Variants in CDC16 observed in about 807,000 individuals in gnomAD.
The protein encoded by CDC16 is cell division cycle 16.
In CDC16, 34 loss-of-function variants were observed where a neutral mutation model predicts 87.0. That is an observed-to-expected ratio of 0.39 (90% CI 0.30 to 0.52). The LOEUF (loss-of-function observed/expected upper bound fraction) is 0.52. Among genes scored for constraint, CDC16 ranks in the 20% least tolerant of loss-of-function variants. The pLI, the probability that CDC16 is intolerant of heterozygous loss-of-function variation, is 0.74. For missense variants in CDC16, 653 were observed against 751.9 expected (o/e 0.87, Z 1.54); for synonymous variants, 263 against 260.6 (o/e 1.01, Z -0.09).
chr13:114,243,549 A>G (rs942651197), intron 7 of CDC16, among the ~76,000 whole-genome samples: 6 of 151,634 alleles, frequency 4.0e-5, no homozygotes, highest in Non-Finnish European at 7.4e-5. Flanking sequence ...GACTCCTTAT[A>G]CTAAAAGATT....
chr13:114,234,990 T>G lies in CDC16; in HGVS notation c.-95T>G, dbSNP rs61973461. On this transcript the variant is annotated 5_prime_UTR_variant, in exon 1 of 18. Coordinates refer to ENST00000356221, the MANE Select transcript of CDC16 (RefSeq NM_001078645.3). Reference sequence around the variant, plus strand: ...CGAGTCCTGGGGCGGCGGCGGCGGCTGCAGGCACGGGCACGGGCACGGGGC... The same window carrying G: ...CGAGTCCTGGGGCGGCGGCGGCGGCGGCAGGCACGGGCACGGGCACGGGGC... 1.3e-4 allele frequency: 131 copies of G among 1,031,170 alleles called. No homozygotes were observed. The Middle Eastern group carries it at 2.1e-3, about 16-fold the overall frequency. The allele number at this position is 1,031,170 out of a possible 1,614,324, so 63.9% of individuals were successfully genotyped here.
At chr13:114,261,148 A>G (rs1428060788) in intron 14 of CDC16, among the ~76,000 whole-genome samples, 1 of 152,164 alleles carries the variant, frequency 6.6e-6, no homozygotes, top group Non-Finnish European at 1.5e-5. Context: ...CAGTGTTTGC[A>G]AAAATTGGAG....
intron 9 of CDC16, chr13:114,245,628 A>G (rs186787058): frequency 2.4e-4 from 44 of 179,744 alleles, no homozygotes; most frequent in Admixed American, 4.4e-4. Context: ...ATTTCTCAAG[A>G]TTAAATAGTA....
chr13:114,236,518 T>G (rs1320431890), intron 1 of CDC16, 127 bp from the exon 2 acceptor site: 10 of 812,340 alleles, frequency 1.2e-5, no homozygotes, highest in African/African-American at 1.8e-5. Flanking sequence ...ATTGTTGTCT[T>G]GAGATGAAGA....
In CDC16 at chr13:114,257,573, A is replaced by C. The variant is rs199788650; in HGVS notation, c.1250+343A>C. Among the ~76,000 whole-genome samples, 41 of 152,278 alleles carry C rather than the reference A, an allele frequency of 2.7e-4. 1 individual carries two copies. The East Asian group carries it at 6.4e-3, about 24-fold the overall frequency. On this transcript the variant is annotated intron_variant, in intron 13 of 17. Transcript: ENST00000356221. ...GAGTTGAATTTACGTATTTGAGAAG[A>C]ATTTGACATGGTTTTTGAAACAAAA...
At position 114,272,570 on chromosome 13, in the gene CDC16, A is replaced by C; in HGVS notation, c.*127A>C. The C allele has an allele frequency of 1.3e-6, 1 of 749,580 alleles. No individual in the cohort carries two copies. Among genetic ancestry groups the C allele is most frequent in the East Asian group, 2.7e-5 (1 of 37,682 alleles). 46.4% of individuals were successfully genotyped at this position (749,580 alleles called of 1,614,324 possible). ...ACTGCATCTCTACATTTAGGAACAGAGACCCGCCTTAAGAGACTGGATCGC... is the reference window on the plus strand; with the variant it reads ...ACTGCATCTCTACATTTAGGAACAGCGACCCGCCTTAAGAGACTGGATCGC... On this transcript the variant is annotated 3_prime_UTR_variant, in exon 18 of 18. Coordinates refer to ENST00000356221, the MANE Select transcript of CDC16 (RefSeq NM_001078645.3).
chr13:114,251,001 A>T (rs1566657483), intron 12 of CDC16, among the ~76,000 whole-genome samples: 1 of 152,208 alleles, frequency 6.6e-6, no homozygotes, highest in African/African-American at 2.4e-5. Flanking sequence ...TATCTTATCT[A>T]TTACCAAAAG....
At chr13:114,263,180 T>C (rs530827410) in intron 16 of CDC16, among the ~76,000 whole-genome samples, 166 bp downstream of exon 16, 6 of 152,254 alleles carry the variant, frequency 3.9e-5, no homozygotes, top group Non-Finnish European at 8.8e-5. Flanking sequence ...TGTTGTACAG[T>C]ATTCATCAAA....
Position 114,234,983 on chromosome 13 carries a change from C to CGGCGGT in CDC16, c.-97_-96insTGGCGG, listed in dbSNP as rs2081165863. On this transcript the variant is annotated 5_prime_UTR_variant, in exon 1 of 18. Transcript: ENST00000356221. The stretch of plus-strand genomic sequence containing the variant: ...CGGCCTTCGAGTCCTGGGGCGGCGG[C>CGGCGGT]GGCGGCTGCAGGCACGGGCACGGGC... The CGGCGGT allele has an allele frequency of 2.1e-6, 2 of 953,814 alleles. No individual in the cohort carries two copies. The highest frequency in any genetic ancestry group is 3.3e-5 in the East Asian group (1 of 30,064). The allele number at this position is 953,814 out of a possible 1,614,324, so 59.1% of individuals were successfully genotyped here. A position where few individuals can be genotyped will look rare whatever the true frequency, so the allele number is the denominator to read the frequency against.
intron 12 of CDC16, among the ~76,000 whole-genome samples, chr13:114,254,897 ACCATCTATCCT>A (rs781290308): frequency 6.6e-6 from 1 of 152,190 alleles, no homozygotes; most frequent in Non-Finnish European, 1.5e-5. Flanking sequence ...AGAAACACTT[ACCATCTATCCT>A]CTCTGAAGCC....
At chr13:114,243,489 A>G (rs2081667641) in intron 7 of CDC16, 141 bp downstream of exon 7, 6 of 451,248 alleles carry the variant, frequency 1.3e-5, no homozygotes, top group East Asian at 1.3e-4. Flanking sequence ...TTTAAGATAC[A>G]TAAGATTCCA....
At chr13:114,237,268 T>C (rs947314244) in intron 3 of CDC16, among the ~76,000 whole-genome samples, 3 of 152,176 alleles carry the variant, frequency 2.0e-5, no homozygotes, top group African/African-American at 7.2e-5. Flanking sequence ...ATTCCATTTC[T>C]GTTGAAATTA....
At chr13:114,250,451 C>A in intron 11 of CDC16, 98 bp from the exon 12 acceptor site, 1 of 1,139,768 alleles carries the variant, frequency 8.8e-7, no homozygotes, top group Admixed American at 2.2e-5. Context: ...GAGATCGCAC[C>A]ACTGCACTCC....
At chr13:114,258,081 G>A (rs1279328022) in intron 13 of CDC16, among the ~76,000 whole-genome samples, 7 of 152,056 alleles carry the variant, frequency 4.6e-5, no homozygotes, top group Admixed American at 4.6e-4. Context: ...CTCCACGCTC[G>A]GCTGTAAATT....
At position 114,248,467 on chromosome 13, in the gene CDC16, G is replaced by T. The variant is rs763218845; in HGVS notation, c.971+1463G>T. The stretch of plus-strand genomic sequence containing the variant: ...AGGCCGAGACAGGCAGATTACCTTA[G>T]GTCAGGAGTTCGAGACCAGCCTGGC... On this transcript the variant is annotated intron_variant, in intron 11 of 17. Transcript: ENST00000356221. 7.2e-5 allele frequency among the ~76,000 whole-genome samples: 11 copies of T among 152,288 alleles called. 1 individual carries two copies. Among genetic ancestry groups the T allele is most frequent in the Non-Finnish European group, 1.6e-4 (11 of 68,032 alleles).
chr13:114,239,635 A>G, intron 5 of CDC16, 145 bp downstream of exon 5: 1 of 1,228,368 alleles, frequency 8.1e-7, no homozygotes, highest in Non-Finnish European at 1.0e-6. Context: ...CAAAACCAAA[A>G]AAGATTCTGA....
At chr13:114,263,485 A>G (rs568477564) in intron 16 of CDC16, among the ~76,000 whole-genome samples, 14 of 152,374 alleles carry the variant, frequency 9.2e-5, no homozygotes, top group African/African-American at 3.1e-4. Flanking sequence ...AGTGCTGCCA[A>G]TTAAACTTTA....
chr13:114,262,774 CTCAT>C (rs2082933291), intron 15 of CDC16, 101 bp from the exon 16 acceptor site: 1 of 1,089,248 alleles, frequency 9.2e-7, no homozygotes, highest in Non-Finnish European at 1.4e-6. Context: ...GACTGCTGTT[CTCAT>C]TGAGACAGCG....
chr13:114,244,109 C>A, intron 8 of CDC16, 120 bp downstream of exon 8: 1 of 706,056 alleles, frequency 1.4e-6, no homozygotes, highest in Non-Finnish European at 2.4e-6. Context: ...TTATCTTTAC[C>A]AATTGTAGAG....
Sources: gnomAD v4.1 joint callset for allele counts (sites outside exome capture counted in the v4.1 genomes callset) on GRCh38, gnomAD v4.1.1 for gene constraint, MANE v1.5 for transcripts, NCBI Gene and HGNC (gene_info 2026-07-23, HGNC 2026-07-21) for gene names.